The following DLG1 variants were observed in gnomAD, a reference collection of about 807,000 sequenced individuals.
DLG1 encodes discs large MAGUK scaffold protein 1.
A neutral mutation model predicts 123.4 loss-of-function variants in DLG1; 42 were observed. The ratio of observed to expected loss-of-function variants is 0.34; its 90% confidence interval spans 0.27 to 0.44. DLG1 has a LOEUF of 0.44. DLG1 is among the 20% of genes least tolerant of loss of function. The pLI is 1.00. For synonymous variants in DLG1, 317 were observed against 356.2 expected (o/e 0.89, Z 1.24); for missense variants, 942 against 1,082.6 (o/e 0.87, Z 1.82).
chr3:197,252,516 T>C (rs1244989310), intron 4 of DLG1, among the ~76,000 whole-genome samples: 1 of 152,160 alleles, frequency 6.6e-6, no homozygotes, highest in Non-Finnish European at 1.5e-5. Context: ...TATACTTTTA[T>C]GTGGTACTTA....
At chr3:197,054,447 CTAAA>C (rs1343058835) in intron 23 of DLG1, among the ~76,000 whole-genome samples, 3 of 128,132 alleles carry the variant, frequency 2.3e-5, no homozygotes, top group East Asian at 3.0e-4. Flanking sequence ...GTTTCGCAGA[CTAAA>C]TAATTTCCAT....
chr3:197,282,750 C>T lies in DLG1; in HGVS notation c.247G>A (p.Glu83Lys). Residue 83 changes from glutamate to lysine, a missense_variant, in exon 4 of 25, where the codon GAG becomes AAG. Coordinates refer to ENST00000667157, the MANE Select transcript of DLG1 (RefSeq NM_001366207.1). ...GTAGAGCTTGGAAGGCTGGAAATCTCCCAAGTATTCACAGGTTGAATTGGT... is the reference window on the plus strand; with the variant it reads ...GTAGAGCTTGGAAGGCTGGAAATCTTCCAAGTATTCACAGGTTGAATTGGT... Reference protein sequence around the residue: ...SEPIQPVNTWEISSLPSSTVT... With the variant: ...SEPIQPVNTWKISSLPSSTVT... The T allele has an allele frequency of 6.2e-7, 1 of 1,612,412 alleles. No individual in the cohort carries two copies. Among genetic ancestry groups the T allele is most frequent in the Non-Finnish European group, 8.5e-7 (1 of 1,179,178 alleles).
rs1176695716 is a variant in DLG1 at position 197,210,151 on chromosome 3, T to C, written c.319-15562A>G. Among the ~76,000 whole-genome samples the C allele has an allele frequency of 3.4e-5, 5 of 145,580 alleles. 1 individual carries two copies. Among genetic ancestry groups the C allele is most frequent in the Non-Finnish European group, 7.7e-5 (5 of 64,898 alleles). ...AGGGTTCTGAACTATTAACAAACTTTACAAGTACTTAAAAGGAAATCTGTA... is the reference window on the plus strand; with the variant it reads ...AGGGTTCTGAACTATTAACAAACTTCACAAGTACTTAAAAGGAAATCTGTA... On this transcript the variant is annotated intron_variant, in intron 4 of 24. Coordinates refer to ENST00000667157, the MANE Select transcript of DLG1 (RefSeq NM_001366207.1).
intron 18 of DLG1, chr3:197,070,211 A>G (rs1742662737): frequency 6.6e-6 from 1 of 151,696 alleles, no homozygotes; most frequent in South Asian, 2.1e-4. Context: ...TTTCAATGAG[A>G]CAGGGAAATC....
At chr3:197,253,534 A>G (rs1246674486) in intron 4 of DLG1, among the ~76,000 whole-genome samples, 1 of 152,216 alleles carries the variant, frequency 6.6e-6, no homozygotes, top group African/African-American at 2.4e-5. Context: ...CATATGACCC[A>G]TCAATTTCAC....
At chr3:197,082,004 A>T (rs1359807295) in intron 16 of DLG1, among the ~76,000 whole-genome samples, 2 of 152,184 alleles carry the variant, frequency 1.3e-5, no homozygotes, top group African/African-American at 2.4e-5. Context: ...TGAATAAATG[A>T]ATTTTATTTT....
At chr3:197,097,360 T>C (rs1274972682) in intron 14 of DLG1, among the ~76,000 whole-genome samples, 1 of 152,230 alleles carries the variant, frequency 6.6e-6, no homozygotes, top group African/African-American at 2.4e-5. Flanking sequence ...CTTCTCCTGT[T>C]GCATCCCCTT....
chr3:197,234,123 A>C (rs537275294), intron 4 of DLG1, among the ~76,000 whole-genome samples: 71 of 152,324 alleles, frequency 4.7e-4, no homozygotes, highest in Non-Finnish European at 9.3e-4. Context: ...GGAAACCTAG[A>C]ATACCAGAGA....
chr3:197,152,894 A>C (rs1794678261), intron 5 of DLG1, among the ~76,000 whole-genome samples: 1 of 152,164 alleles, frequency 6.6e-6, no homozygotes, highest in South Asian at 2.1e-4. Context: ...GCAGCCTTAC[A>C]AAGTTTCAGA....
At chr3:197,220,597 T>C (rs1736454811) in intron 4 of DLG1, among the ~76,000 whole-genome samples, 1 of 152,198 alleles carries the variant, frequency 6.6e-6, no homozygotes, top group South Asian at 2.1e-4. Flanking sequence ...TCCCAATATA[T>C]GAAAAAATTA....
intron 4 of DLG1, among the ~76,000 whole-genome samples, chr3:197,220,289 A>T (rs1260859157): frequency 6.6e-6 from 1 of 152,192 alleles, no homozygotes; most frequent in Non-Finnish European, 1.5e-5. Flanking sequence ...TATATATTTA[A>T]ACCAAGTGGT....
rs749483264 is a variant in DLG1 at position 197,296,391 on chromosome 3, G to A, written c.106C>T (p.Arg36Trp). The A allele has an allele frequency of 1.9e-6, 3 of 1,613,512 alleles. No homozygotes were observed. Among genetic ancestry groups the A allele is most frequent in the Admixed American group, 1.7e-5 (1 of 60,014 alleles). The stretch of plus-strand genomic sequence containing the variant: ...TTGCTCTGAAATATGTTAATAACCC[G>A]TTCTATGGAACTTCTGAGCTGTCTG... ...EDRQLRSSIE[R>W]VINIFQSNLF... is the part of the protein sequence containing the mutation. The change falls in exon 3 of 25, where the codon CGG (arginine) becomes TGG (tryptophan). Residue 36 changes from arginine to tryptophan, a missense_variant. Arg to Trp is a moderately radical substitution (Grantham distance 101). Coordinates refer to ENST00000667157, the MANE Select transcript of DLG1 (RefSeq NM_001366207.1).
At chr3:197,204,930 T>C (rs1727729565) in intron 4 of DLG1, among the ~76,000 whole-genome samples, 1 of 152,098 alleles carries the variant, frequency 6.6e-6, no homozygotes. Context: ...CCGAAACCAC[T>C]GACAGCAATC....
At chr3:197,081,217 A>G (rs1165639905) in intron 16 of DLG1, 100 bp from the exon 17 acceptor site, 1 of 1,095,818 alleles carries the variant, frequency 9.1e-7, no homozygotes, top group Non-Finnish European at 1.3e-6. Flanking sequence ...GCATTTTTAT[A>G]CTCTAAAACC....
At chr3:197,081,173 C>G (rs1358347405) in intron 16 of DLG1, 56 bp from the exon 17 acceptor site, 15 of 1,499,692 alleles carry the variant, frequency 1.0e-5, no homozygotes, top group African/African-American at 1.4e-5. Flanking sequence ...TGGGGTCTTA[C>G]TAGAAATAAC....
chr3:197,130,677 A>G lies in DLG1; in HGVS notation c.1021-6T>C, dbSNP rs1175566726. 1 of 1,582,530 alleles carries G rather than the reference A, an allele frequency of 6.3e-7. No homozygotes were observed. Among genetic ancestry groups the G allele is most frequent in the East Asian group, 2.3e-5 (1 of 44,258 alleles). On this transcript the variant is annotated splice_polypyrimidine_tract_variant and splice_region_variant and intron_variant, in intron 10 of 24. Transcript: ENST00000667157. ...TCTAAACATACGTTATTCACCTAAAAAAAGTCCCAAAAGACATTTATGACA... is the reference window on the plus strand; with the variant it reads ...TCTAAACATACGTTATTCACCTAAAGAAAGTCCCAAAAGACATTTATGACA...
At chr3:197,072,788 G>T (rs1343905472) in intron 18 of DLG1, among the ~76,000 whole-genome samples, 1 of 152,124 alleles carries the variant, frequency 6.6e-6, no homozygotes, top group East Asian at 1.9e-4. Flanking sequence ...CACCTCCCGG[G>T]TTCAAGTGAT....
chr3:197,117,971 AT>A (rs558203501), intron 12 of DLG1, among the ~76,000 whole-genome samples: 81 of 148,670 alleles, frequency 5.4e-4, no homozygotes, highest in African/African-American at 1.5e-3. Flanking sequence ...GTATGTTGTG[AT>A]TTTTTTTTTT....
At chr3:197,194,356 G>A (rs1721300658) in intron 5 of DLG1, 69 bp downstream of exon 5, 15 of 1,049,926 alleles carry the variant, frequency 1.4e-5, no homozygotes, top group Middle Eastern at 3.0e-4. Context: ...ACTTCTCTCC[G>A]AGCATGAGCT....
Sources: allele counts gnomAD v4.1 joint callset (sites outside exome capture counted in the v4.1 genomes callset), GRCh38; gene constraint gnomAD v4.1.1; transcripts MANE v1.5; gene names NCBI Gene and HGNC (gene_info 2026-07-23, HGNC 2026-07-21).